Variants in CEP128 observed in about 807,000 individuals in gnomAD.
The protein encoded by CEP128 is centrosomal protein 128, also known as centrosomal protein 128kDa.
In CEP128, 132 loss-of-function variants were observed where a neutral mutation model predicts 156.7. The ratio of observed to expected loss-of-function variants is 0.84; its 90% confidence interval spans 0.73 to 0.97. The LOEUF (loss-of-function observed/expected upper bound fraction) is 0.97. Among genes scored for constraint, CEP128 ranks in the 50% least tolerant of loss-of-function variants. CEP128 has a pLI of 0.00. For synonymous variants in CEP128, 469 were observed against 448.9 expected (o/e 1.04, Z -0.57); for missense variants, 1,252 against 1,281.9 (o/e 0.98, Z 0.36).
At chr14:80,936,359 G>A (rs968784890) in intron 2 of CEP128, among the ~76,000 whole-genome samples, 1 of 152,076 alleles carries the variant, frequency 6.6e-6, no homozygotes. Context: ...TCCAGCATGA[G>A]TTACAGAACA....
intron 16 of CEP128, among the ~76,000 whole-genome samples, chr14:80,772,860 G>A (rs987262282): frequency 6.6e-6 from 1 of 152,154 alleles, no homozygotes; most frequent in African/African-American, 2.4e-5. Flanking sequence ...CAGTGCTACC[G>A]TGTAAACTCT....
chr14:80,897,783 A>G (rs1194195946), intron 7 of CEP128, among the ~76,000 whole-genome samples: 1 of 151,200 alleles, frequency 6.6e-6, no homozygotes, highest in African/African-American at 2.4e-5. Flanking sequence ...CCTCAAATCA[A>G]TTTTTTTTTC....
intron 6 of CEP128, among the ~76,000 whole-genome samples, chr14:80,900,932 C>T (rs1337676186): frequency 6.6e-6 from 1 of 151,804 alleles, no homozygotes; most frequent in Admixed American, 6.6e-5. Context: ...GGTGGCCGGG[C>T]GCGGTGGCTC....
At chr14:80,903,038 C>A (rs1883672106) in intron 6 of CEP128, among the ~76,000 whole-genome samples, 1 of 152,004 alleles carries the variant, frequency 6.6e-6, no homozygotes, top group South Asian at 2.1e-4. Flanking sequence ...TGACAAAAGA[C>A]CCCATATAGC....
At chr14:80,830,990 A>G in intron 13 of CEP128, 153 bp downstream of exon 13, 1 of 660,562 alleles carries the variant, frequency 1.5e-6, no homozygotes, top group Non-Finnish European at 2.6e-6. Flanking sequence ...GAATTTCTAC[A>G]TATAAGTAAA....
intron 14 of CEP128, among the ~76,000 whole-genome samples, chr14:80,786,059 A>G (rs963821533): frequency 2.0e-5 from 3 of 152,166 alleles, no homozygotes; most frequent in Non-Finnish European, 4.4e-5. Context: ...TAAAATATCA[A>G]TGGTGACGAA....
chr14:80,738,466 T>C (rs1898646314), intron 19 of CEP128, among the ~76,000 whole-genome samples: 1 of 152,032 alleles, frequency 6.6e-6, no homozygotes, highest in African/African-American at 2.4e-5. Flanking sequence ...AGATCCAAAA[T>C]CTATCACATT....
chr14:80,530,866 G>A lies in CEP128; in HGVS notation c.2901C>T (p.Asp967=). Residue 967 remains aspartate (D), a synonymous_variant, in exon 22 of 25, where the codon GAC becomes GAT. Transcript: ENST00000555265. ...ALETSTQVAL[D]HLESVPEKLS... is the part of the protein sequence containing the mutation. ...GTTTCTCAGGCACAGACTCCAGATG[G>A]TCCAAGGCCACTTGGGTACTCTGAA... 1 of 1,606,808 alleles carries A rather than the reference G, an allele frequency of 6.2e-7. No homozygotes were observed. The highest frequency in any genetic ancestry group is 8.5e-7 in the Non-Finnish European group (1 of 1,175,994).
intron 19 of CEP128, among the ~76,000 whole-genome samples, chr14:80,593,404 G>A (rs972168815): frequency 6.6e-6 from 1 of 151,902 alleles, no homozygotes; most frequent in African/African-American, 2.4e-5. Context: ...AGCCAGGCAT[G>A]GTGGAAGGCG....
At chr14:80,569,807 A>G (rs1485679665) in intron 20 of CEP128, among the ~76,000 whole-genome samples, 1 of 152,178 alleles carries the variant, frequency 6.6e-6, no homozygotes, top group Non-Finnish European at 1.5e-5. Context: ...ATAATATTGC[A>G]TAACATAAAA....
At chr14:80,750,751 A>G (rs1345225209) in intron 18 of CEP128, among the ~76,000 whole-genome samples, 5 of 152,184 alleles carry the variant, frequency 3.3e-5, no homozygotes, top group African/African-American at 4.8e-5. Flanking sequence ...GGTTCTGGGG[A>G]AAAAACAAAA....
At chr14:80,477,303 G>A (rs1314832783) in exon 15 of CEP128, 1 of 152,038 alleles carries the variant, frequency 6.6e-6, no homozygotes, top group East Asian at 1.9e-4. Context: ...CCATATTAAG[G>A]TTTCTTTGGG....
chr14:80,630,976 C>A (rs1029236576), intron 19 of CEP128, among the ~76,000 whole-genome samples: 1 of 151,958 alleles, frequency 6.6e-6, no homozygotes, highest in African/African-American at 2.4e-5. Context: ...CATGCAGTGC[C>A]TACTTTCTCA....
At chr14:80,739,726 C>G (rs763541959) in intron 19 of CEP128, among the ~76,000 whole-genome samples, 1 of 151,944 alleles carries the variant, frequency 6.6e-6, no homozygotes, top group Non-Finnish European at 1.5e-5. Context: ...AGAATTAATA[C>G]TAACAATGTT....
At chr14:80,837,592 C>T (rs933437196) in intron 11 of CEP128, among the ~76,000 whole-genome samples, 1 of 152,164 alleles carries the variant, frequency 6.6e-6, no homozygotes, top group African/African-American at 2.4e-5. Context: ...TGGCGCATGC[C>T]TGTAATCCCA....
intron 12 of CEP128, among the ~76,000 whole-genome samples, chr14:80,834,754 T>G (rs1235967263): frequency 6.6e-6 from 1 of 152,192 alleles, no homozygotes; most frequent in African/African-American, 2.4e-5. Flanking sequence ...TTTATGAAGT[T>G]TGATGAAGAA....
intron 18 of CEP128, among the ~76,000 whole-genome samples, chr14:80,753,102 T>C (rs1566894867): frequency 6.6e-6 from 1 of 152,182 alleles, no homozygotes; most frequent in Non-Finnish European, 1.5e-5. Context: ...CTTATTTTTC[T>C]ATAATATTTA....
intron 19 of CEP128, among the ~76,000 whole-genome samples, chr14:80,623,446 A>T (rs1426815003): frequency 6.6e-6 from 1 of 151,790 alleles, no homozygotes. Flanking sequence ...GTACCCTAAT[A>T]CTTAAAGTAT....
chr14:80,615,084 G>A (rs1472762233), intron 19 of CEP128, among the ~76,000 whole-genome samples: 1 of 152,126 alleles, frequency 6.6e-6, no homozygotes, highest in Non-Finnish European at 1.5e-5. Context: ...TATTGATTGG[G>A]TTTGGAGTAT....
Sources: allele counts gnomAD v4.1 joint callset (sites outside exome capture counted in the v4.1 genomes callset), GRCh38; gene constraint gnomAD v4.1.1; transcripts MANE v1.5; gene names NCBI Gene and HGNC (gene_info 2026-07-23, HGNC 2026-07-21).